GREM2: variants seen among roughly 807,000 people sequenced by gnomAD.
GREM2 encodes the protein gremlin-2.
A neutral mutation model predicts 14.2 loss-of-function variants in GREM2; 11 were observed. The ratio of observed to expected loss-of-function variants is 0.78; its 90% CI spans 0.49 to 1.28. The LOEUF (loss-of-function observed/expected upper bound fraction) is 1.28. Ranked by LOEUF, GREM2 falls within the 50% of genes most tolerant of loss-of-function variation. The probability of loss-of-function intolerance (pLI) is 0.00; values close to 1 mark genes in which losing one functional copy is unlikely to be tolerated. For synonymous variants in GREM2, 98 were observed against 97.6 expected (o/e 1.00, Z -0.02); for missense variants, 210 against 218.5 (o/e 0.96, Z 0.24).
At chr1:240,493,573 C>T (rs900067735) in intron 1 of GREM2, 97 bp from the exon 2 acceptor site, 20 of 1,393,548 alleles carry the variant, frequency 1.4e-5, no homozygotes, top group Non-Finnish European at 1.8e-5. Flanking sequence ...TGGTCTGGCT[C>T]TGTTGCCCAG....
At chr1:240,590,029 G>C (rs1336871784) in intron 1 of GREM2, among the ~76,000 whole-genome samples, 4 of 152,180 alleles carry the variant, frequency 2.6e-5, no homozygotes, top group African/African-American at 9.6e-5. Flanking sequence ...AGGTGGAAGA[G>C]ATGTGTGTAC....
At position 240,533,305 on chromosome 1, in the gene GREM2, C is replaced by T. The variant is rs1205768436; in HGVS notation, c.-1-39829G>A. ...TTGGGAAAAGGAAAGGCATTCTAGCCAAAGAGAACAGATCAGTTTAGCGGT... is the reference window on the plus strand; with the variant it reads ...TTGGGAAAAGGAAAGGCATTCTAGCTAAAGAGAACAGATCAGTTTAGCGGT... On this transcript the variant is annotated intron_variant, in intron 1 of 1. Coordinates refer to ENST00000318160, the MANE Select transcript of GREM2 (RefSeq NM_022469.4). Among the ~76,000 whole-genome samples, 3 of 152,040 alleles carry T rather than the reference C, an allele frequency of 2.0e-5. No individual in the cohort carries two copies. The East Asian group carries it at 5.8e-4, about 29-fold the overall frequency.
rs72752853 is a variant in GREM2 at position 240,544,446 on chromosome 1, C to T, written c.-1-50970G>A. Among the ~76,000 whole-genome samples the T allele has an allele frequency of 8.5e-3, 1,290 of 152,210 alleles. 8 individuals carry two copies. The highest frequency in any genetic ancestry group is 0.014 in the Non-Finnish European group (950 of 68,016). On this transcript the variant is annotated intron_variant, in intron 1 of 1. Transcript: ENST00000318160. ...ACAGGCGTGAGCCACCGCGCCTGGC[C>T]AGTACTAGGCCATTTTATATGAGAG...
Position 240,489,647 on chromosome 1 carries a change from A to G in GREM2, c.*3322T>C, listed in dbSNP as rs9697. The G allele has an allele frequency of 0.84, 127,815 of 152,238 alleles. 53,744 individuals are homozygous for G. The highest frequency in any genetic ancestry group is 0.88 in the South Asian group (4,264 of 4,820). 9.4% of individuals were successfully genotyped at this position (152,238 alleles called of 1,614,324 possible). A position where few individuals can be genotyped will look rare whatever the true frequency, so the allele number is the denominator to read the frequency against. Reference sequence around the variant, plus strand: ...TAATAAACTTGCTTTCACTTAAAAAATTTTCATTGCATTATTGATGACTTG... The same window carrying G: ...TAATAAACTTGCTTTCACTTAAAAAGTTTTCATTGCATTATTGATGACTTG... On this transcript the variant is annotated 3_prime_UTR_variant, in exon 2 of 2. Coordinates refer to ENST00000318160, the MANE Select transcript of GREM2 (RefSeq NM_022469.4).
chr1:240,536,504 C>T (rs1678471827), intron 1 of GREM2, among the ~76,000 whole-genome samples: 1 of 152,146 alleles, frequency 6.6e-6, no homozygotes, highest in African/African-American at 2.4e-5. Flanking sequence ...TTTCTCAGTC[C>T]AAGAGGGGGA....
At chr1:240,496,400 T>C (rs1169594461) in intron 1 of GREM2, among the ~76,000 whole-genome samples, 1 of 152,236 alleles carries the variant, frequency 6.6e-6, no homozygotes. Flanking sequence ...TCTAGAGCCT[T>C]ACCTTGTCTT....
At chr1:240,607,048 C>G (rs1002545740) in intron 1 of GREM2, among the ~76,000 whole-genome samples, 6 of 152,162 alleles carry the variant, frequency 3.9e-5, no homozygotes, top group Admixed American at 6.5e-5. Flanking sequence ...GTAATGTCAT[C>G]TGTAAATGAG....
rs914937226 is a variant in GREM2, at chr1:240,597,703, A to G, written c.-2+14181T>C. Among the ~76,000 whole-genome samples the G allele has an allele frequency of 2.6e-5, 4 of 152,362 alleles. No homozygotes were observed. In the East Asian group the frequency reaches 7.7e-4, roughly 29 times the overall value. The stretch of plus-strand genomic sequence containing the variant: ...ATAAATGTTTGTTGAATACACACAA[A>G]TCAGAACTCTGATGAAATAGGACTA... On this transcript the variant is annotated intron_variant, in intron 1 of 1. Coordinates refer to ENST00000318160, the MANE Select transcript of GREM2 (RefSeq NM_022469.4).
intron 1 of GREM2, among the ~76,000 whole-genome samples, chr1:240,535,553 A>G (rs1678453359): frequency 6.6e-6 from 1 of 152,182 alleles, no homozygotes; most frequent in Non-Finnish European, 1.5e-5. Context: ...TAATCCCCAC[A>G]TTTTGGGAGG....
intron 1 of GREM2, 49 bp from the exon 2 acceptor site, chr1:240,493,525 G>A (rs767678857): frequency 6.7e-7 from 1 of 1,482,890 alleles, no homozygotes; most frequent in Non-Finnish European, 9.0e-7. Context: ...CGTAGAGTAC[G>A]GGATCAATCT....
chr1:240,507,115 T>A (rs1199722282), intron 1 of GREM2, among the ~76,000 whole-genome samples: 2 of 152,152 alleles, frequency 1.3e-5, no homozygotes, highest in Non-Finnish European at 2.9e-5. Flanking sequence ...ATAAAAGATG[T>A]CTGGTAGAAC....
intron 1 of GREM2, among the ~76,000 whole-genome samples, chr1:240,605,906 T>C (rs977537658): frequency 6.6e-6 from 1 of 152,156 alleles, no homozygotes; most frequent in South Asian, 2.1e-4. Context: ...GTCGTAAATT[T>C]TTAAAAAATT....
At chr1:240,558,769 T>C (rs922259313) in intron 1 of GREM2, among the ~76,000 whole-genome samples, 3 of 152,068 alleles carry the variant, frequency 2.0e-5, no homozygotes, top group African/African-American at 7.2e-5. Context: ...ATCTATCATA[T>C]TGGGAATGAA....
In GREM2 at chr1:240,540,404, C is replaced by T. The variant is rs558225935; in HGVS notation, c.-1-46928G>A. On this transcript the variant is annotated intron_variant, in intron 1 of 1. Coordinates refer to ENST00000318160, the MANE Select transcript of GREM2 (RefSeq NM_022469.4). The surrounding 1 kb of genome is among the most constrained non-coding windows in gnomAD (Gnocchi z 4.2). ...AAAAACATGGCTAGGACCAAGAAAA[C>T]AAACAAAACAGGATCAGGGGATTTG... Among the ~76,000 whole-genome samples, 2 of 152,230 alleles carry T rather than the reference C, an allele frequency of 1.3e-5. No individual in the cohort carries two copies. Among genetic ancestry groups the T allele is most frequent in the African/African-American group, 4.8e-5 (2 of 41,556 alleles).
chr1:240,577,090 C>G (rs1158906233), intron 1 of GREM2, among the ~76,000 whole-genome samples: 2 of 152,058 alleles, frequency 1.3e-5, no homozygotes, highest in Non-Finnish European at 2.9e-5. Context: ...CAGTGGGTGC[C>G]AAAATAAATC....
intron 1 of GREM2, among the ~76,000 whole-genome samples, chr1:240,524,141 C>T (rs995855504): frequency 3.9e-4 from 59 of 152,312 alleles, no homozygotes; most frequent in African/African-American, 1.4e-3. Flanking sequence ...CTCAGCATCC[C>T]AAGTAGCTGA....
At chr1:240,544,823 A>G (rs1678681590) in intron 1 of GREM2, among the ~76,000 whole-genome samples, 1 of 152,200 alleles carries the variant, frequency 6.6e-6, no homozygotes, top group African/African-American at 2.4e-5. Flanking sequence ...ATGTGTTTCA[A>G]AGAACTCAAC....
At chr1:240,580,695 C>T (rs1679467112) in intron 1 of GREM2, among the ~76,000 whole-genome samples, 1 of 152,184 alleles carries the variant, frequency 6.6e-6, no homozygotes, top group Admixed American at 6.5e-5. Context: ...CTGCCTCAGC[C>T]TCTCGAGTAG....
At chr1:240,601,710 C>A (rs914088171) in intron 1 of GREM2, among the ~76,000 whole-genome samples, 1 of 152,036 alleles carries the variant, frequency 6.6e-6, no homozygotes, top group African/African-American at 2.4e-5. Flanking sequence ...AGTTCGAGAC[C>A]AGCCTGGCCA....
Sources: allele counts gnomAD v4.1 joint callset (sites outside exome capture counted in the v4.1 genomes callset), GRCh38; gene constraint gnomAD v4.1.1; non-coding constraint Gnocchi (gnomAD v3.1); transcripts MANE v1.5; gene names NCBI Gene and HGNC (gene_info 2026-07-23, HGNC 2026-07-21).